The following LRRC37A2 variants were observed in gnomAD, a reference collection of about 807,000 sequenced individuals.
LRRC37A2 encodes leucine-rich repeat-containing protein 37A2.
LRRC37A2 carries 9 observed loss-of-function variants against 68.8 expected under a neutral mutation model. The ratio of observed to expected loss-of-function variants is 0.13; its 90% CI spans 0.08 to 0.23. The LOEUF is 0.23. Ranked by LOEUF, LRRC37A2 falls within the 10% of genes least tolerant of loss-of-function variation. The pLI is 1.00. For synonymous variants in LRRC37A2, 63 were observed against 367.6 expected (o/e 0.17, Z 9.48); for missense variants, 168 against 950.4 (o/e 0.18, Z 10.82).
the LRRC37A2 span, among the ~76,000 whole-genome samples, chr17:46,621,093 C>T: frequency 2.9e-4 from 31 of 105,424 alleles, no homozygotes; most frequent in Admixed American, 1.6e-3. Flanking sequence ...GCAAGACTAT[C>T]TCTCAAAAAA....
the LRRC37A2 span, among the ~76,000 whole-genome samples, chr17:46,774,817 A>G: frequency 6.6e-6 from 1 of 152,254 alleles, no homozygotes; most frequent in Non-Finnish European, 1.5e-5. Flanking sequence ...TGCCCTCAGC[A>G]CAGGAACAGC....
chr17:46,973,655 C>T, the LRRC37A2 span, among the ~76,000 whole-genome samples: 50 of 152,264 alleles, frequency 3.3e-4, no homozygotes, highest in Admixed American at 8.5e-4. Flanking sequence ...ACACCTGCCC[C>T]GTCTGCCGAG....
chr17:46,917,462 C>T, the LRRC37A2 span, among the ~76,000 whole-genome samples: 1 of 152,236 alleles, frequency 6.6e-6, no homozygotes, highest in Non-Finnish European at 1.5e-5. Flanking sequence ...ATTCATGTCC[C>T]ACTCCTGGAC....
At chr17:46,797,894 C>T in the LRRC37A2 span, among the ~76,000 whole-genome samples, 1 of 152,106 alleles carries the variant, frequency 6.6e-6, no homozygotes, top group African/African-American at 2.4e-5. Context: ...CAAAATAAAA[C>T]ATTTCATTTA....
At chr17:46,979,945 C>T in the LRRC37A2 span, among the ~76,000 whole-genome samples, 1 of 152,042 alleles carries the variant, frequency 6.6e-6, no homozygotes, top group African/African-American at 2.4e-5. Context: ...CTATTTGTGC[C>T]TTTCTCTAGA....
At chr17:46,765,006 T>C in the LRRC37A2 span, among the ~76,000 whole-genome samples, 2 of 152,246 alleles carry the variant, frequency 1.3e-5, no homozygotes, top group Non-Finnish European at 2.9e-5. Context: ...GCATGCACTG[T>C]GTTTTTGTAC....
chr17:46,389,388 A>G, the LRRC37A2 span, among the ~76,000 whole-genome samples: 1 of 74,346 alleles, frequency 1.3e-5, no homozygotes, highest in Admixed American at 1.4e-4. Context: ...ATCAGACAAT[A>G]TGATCTTTCA....
chr17:46,771,105 C>T, the LRRC37A2 span, among the ~76,000 whole-genome samples: 1 of 152,230 alleles, frequency 6.6e-6, no homozygotes, highest in Non-Finnish European at 1.5e-5. Flanking sequence ...GCCCGGGACC[C>T]CTCTTGGCTC....
At chr17:46,988,567 A>T in the LRRC37A2 span, among the ~76,000 whole-genome samples, 29 of 152,264 alleles carry the variant, frequency 1.9e-4, no homozygotes, top group South Asian at 4.2e-3. Flanking sequence ...GGGATTCTGG[A>T]GCCTGTGAAT....
At chr17:46,882,484 G>A in the LRRC37A2 span, among the ~76,000 whole-genome samples, 2 of 152,160 alleles carry the variant, frequency 1.3e-5, no homozygotes, top group African/African-American at 4.8e-5. Flanking sequence ...TGCCCAGGCT[G>A]GAGTGCAGTG....
chr17:46,919,820 G>A, the LRRC37A2 span, among the ~76,000 whole-genome samples: 1 of 152,124 alleles, frequency 6.6e-6, no homozygotes, highest in Non-Finnish European at 1.5e-5. Flanking sequence ...GGTGGTGGGT[G>A]CCTGTAATCC....
At chr17:46,745,606 T>C in the LRRC37A2 span, among the ~76,000 whole-genome samples, 137 of 152,308 alleles carry the variant, frequency 9.0e-4, no homozygotes, top group Non-Finnish European at 1.7e-3. Flanking sequence ...AGTGCCACTG[T>C]TCTAGGGCCA....
the LRRC37A2 span, among the ~76,000 whole-genome samples, chr17:46,398,126 C>CA: frequency 3.9e-3 from 241 of 62,582 alleles, 19 homozygotes; most frequent in Middle Eastern, 0.014. Context: ...CCTTGCCTCA[C>CA]AAAAAAAAAA....
At chr17:46,809,274 C>G in the LRRC37A2 span, among the ~76,000 whole-genome samples, 6 of 152,238 alleles carry the variant, frequency 3.9e-5, no homozygotes, top group East Asian at 1.2e-3. Flanking sequence ...TTGGTGGGAG[C>G]TGGAGAGGAG....
chr17:46,896,426 G>GAAAT, the LRRC37A2 span, among the ~76,000 whole-genome samples: 1 of 88,192 alleles, frequency 1.1e-5, no homozygotes, highest in Admixed American at 1.2e-4. Context: ...AAGAAAGAAA[G>GAAAT]AAAGAAAGAA....
the LRRC37A2 span, chr17:46,978,491 C>T: frequency 1.2e-6 from 1 of 854,528 alleles, no homozygotes; most frequent in Non-Finnish European, 1.7e-6. Flanking sequence ...CTTCCCGCGC[C>T]CCCGCCGACA....
chr17:46,679,917 CAG>C, the LRRC37A2 span, among the ~76,000 whole-genome samples: 1 of 147,038 alleles, frequency 6.8e-6, no homozygotes, highest in Non-Finnish European at 1.5e-5. Context: ...TAGCAGAAAT[CAG>C]AATGTAAAGT....
chr17:46,853,137 G>A, the LRRC37A2 span, among the ~76,000 whole-genome samples: 17 of 152,034 alleles, frequency 1.1e-4, no homozygotes, highest in Admixed American at 3.3e-4. Context: ...TTGTTCCCTC[G>A]GCAGGCAGGA....
the LRRC37A2 span, among the ~76,000 whole-genome samples, chr17:46,891,422 G>C: frequency 6.6e-6 from 1 of 152,090 alleles, no homozygotes; most frequent in Non-Finnish European, 1.5e-5. Flanking sequence ...AGGTCGCCAG[G>C]GCCCAGCTGT....
Sources: gnomAD v4.1 joint callset for allele counts (sites outside exome capture counted in the v4.1 genomes callset) on GRCh38, gnomAD v4.1.1 for gene constraint, MANE v1.5 for transcripts, NCBI Gene and HGNC (gene_info 2026-07-23, HGNC 2026-07-21) for gene names.